The following GPM6B variants were observed in gnomAD, a reference collection of about 807,000 sequenced individuals.
The protein encoded by GPM6B is glycoprotein M6B, also known as neuronal membrane glycoprotein M6-b.
GPM6B carries 4 observed loss-of-function variants against 27.2 expected under a neutral mutation model. That is an observed-to-expected ratio of 0.15 (90% CI 0.07 to 0.34). The LOEUF is 0.34. Ranked by LOEUF, GPM6B falls within the 10% of genes least tolerant of loss-of-function variation. The pLI, the probability that GPM6B is intolerant of heterozygous loss-of-function variation, is 1.00. For missense variants in GPM6B, 183 were observed against 261.9 expected (o/e 0.70, Z 2.08); for synonymous variants, 124 against 103.1 (o/e 1.20, Z -1.23).
chrX:13,848,033 ACC>A (rs1377446737), intron 1 of GPM6B, among the ~76,000 whole-genome samples: 1 of 111,454 alleles, frequency 9.0e-6, no homozygotes, highest in Non-Finnish European at 1.9e-5. Flanking sequence ...ATATACTGAT[ACC>A]CCCAGCTGCT....
At chrX:13,886,547 T>C (rs1218258582) in intron 1 of GPM6B, among the ~76,000 whole-genome samples, 1 of 106,702 alleles carries the variant, frequency 9.4e-6, no homozygotes, top group Non-Finnish European at 1.9e-5. Context: ...TATACCCGAA[T>C]TTCAAGACAT....
chrX:13,861,027 CACACACACACACACACATAT>C (rs200880316), intron 1 of GPM6B, among the ~76,000 whole-genome samples: 3,262 of 86,323 alleles, frequency 0.038, 75 homozygotes, highest in East Asian at 0.18. Context: ...CACACACACA[CACACACACACACACACATAT>C]ATACATATAT....
intron 1 of GPM6B, among the ~76,000 whole-genome samples, chrX:13,812,043 TCTTTC>T (rs2049141059): frequency 3.6e-5 from 3 of 82,518 alleles, no homozygotes; most frequent in South Asian, 5.9e-4. Context: ...ACTTTTCTTT[TCTTTC>T]TTTTTTTTTT....
chrX:13,810,382 T>A (rs1252671988), intron 1 of GPM6B, among the ~76,000 whole-genome samples: 1 of 111,947 alleles, frequency 8.9e-6, no homozygotes, highest in Non-Finnish European at 1.9e-5. Context: ...GAAATTTTTA[T>A]CCTTTTAAAA....
At chrX:13,787,037 C>G (rs1313981595) in intron 2 of GPM6B, among the ~76,000 whole-genome samples, 3 of 34,417 alleles carry the variant, frequency 8.7e-5, no homozygotes, top group Non-Finnish European at 1.7e-4. Flanking sequence ...GCACATTAAG[C>G]CAGCAAAAAA....
chrX:13,891,078 C>T, intron 1 of GPM6B, among the ~76,000 whole-genome samples: 1 of 111,328 alleles, frequency 9.0e-6, no homozygotes, highest in Admixed American at 9.6e-5. Flanking sequence ...TTGAGAGCCA[C>T]TGAACTAGTG....
chrX:13,899,405 C>CA (rs58085220), intron 1 of GPM6B, among the ~76,000 whole-genome samples: 526 of 36,314 alleles, frequency 0.014, 48 homozygotes, highest in African/African-American at 0.037. Flanking sequence ...GACTCTGTCT[C>CA]AAAAAAAAAA....
intron 1 of GPM6B, among the ~76,000 whole-genome samples, chrX:13,855,879 G>GT (rs2049774659): frequency 9.0e-6 from 1 of 111,506 alleles, no homozygotes. Flanking sequence ...ACCAGTTCTA[G>GT]TACAGATTCT....
intron 1 of GPM6B, chrX:13,889,706 A>G (rs759370518): frequency 9.9e-5 from 11 of 110,939 alleles, no homozygotes; most frequent in Non-Finnish European, 2.1e-4. Flanking sequence ...CAGTGGCATT[A>G]ACGACATTCA....
At chrX:13,817,290 T>A (rs1018312401), upstream of GPM6B, 9 of 780,035 alleles carry the variant, frequency 1.2e-5, no homozygotes, top group African/African-American at 2.1e-4. Flanking sequence ...TTTCTTAAGA[T>A]CTCAATCTCG....
At chrX:13,934,415 C>T (rs1440233392) in intron 1 of GPM6B, among the ~76,000 whole-genome samples, 1 of 112,026 alleles carries the variant, frequency 8.9e-6, no homozygotes, top group Non-Finnish European at 1.9e-5. Context: ...CTTCAGCGTG[C>T]TTCTTTCTGA....
At chrX:13,920,291 AAG>A (rs2147067109) in intron 1 of GPM6B, among the ~76,000 whole-genome samples, 1 of 89,403 alleles carries the variant, frequency 1.1e-5, no homozygotes, top group African/African-American at 3.8e-5. Context: ...AAAAAAAAGA[AAG>A]AAAGAAAGAA....
intron 7 of GPM6B, 116 bp from the exon 8 acceptor site, chrX:13,773,146 A>G: frequency 5.3e-6 from 3 of 571,223 alleles, no homozygotes; most frequent in Admixed American, 6.7e-5. Context: ...CTGTATTAAT[A>G]AATACTCGCT....
intron 7 of GPM6B, chrX:13,774,599 T>C (rs779342399): frequency 5.0e-6 from 6 of 1,206,670 alleles, no homozygotes; most frequent in East Asian, 5.9e-5. Context: ...CGCATAGTTA[T>C]ATGTAGTAGC....
At chrX:13,824,461 C>G (rs2049348182) in intron 1 of GPM6B, among the ~76,000 whole-genome samples, 1 of 111,655 alleles carries the variant, frequency 9.0e-6, no homozygotes, top group Non-Finnish European at 1.9e-5. Context: ...TCAAATCTCC[C>G]CAGGTAATTC....
intron 1 of GPM6B, among the ~76,000 whole-genome samples, chrX:13,925,264 C>G (rs1026912848): frequency 8.9e-6 from 1 of 112,157 alleles, no homozygotes; most frequent in Non-Finnish European, 1.9e-5. Context: ...TCCAGCTGGA[C>G]TTTCAGAAGT....
intron 1 of GPM6B, among the ~76,000 whole-genome samples, chrX:13,837,476 C>T (rs1452333898): frequency 9.0e-6 from 1 of 111,026 alleles, no homozygotes; most frequent in African/African-American, 3.3e-5. Context: ...GCCCGCAGAC[C>T]CAGGGGGGCT....
At chrX:13,909,290 AT>A (rs759981591) in intron 1 of GPM6B, among the ~76,000 whole-genome samples, 1 of 108,994 alleles carries the variant, frequency 9.2e-6, no homozygotes, top group Admixed American at 9.8e-5. Flanking sequence ...TACCCAGCTA[AT>A]TTTTGTATTT....
At position 13,789,925 on chromosome X, in the gene GPM6B, G is replaced by A. The variant is rs72614513; in HGVS notation, c.182-4117C>T. ...CAGTGGCACAATCACTGCTCACTGC[G>A]GTGTTGAACTCTCTGGCTCAAGCGA... On this transcript the variant is annotated intron_variant, in intron 2 of 7. Transcript: ENST00000316715. Among the ~76,000 whole-genome samples, 1,175 of 111,687 alleles carry A rather than the reference G, an allele frequency of 0.011. 31 individuals carry two copies. The East Asian group carries it at 0.12, about 12-fold the overall frequency.
Sources: gnomAD v4.1 joint callset for allele counts (sites outside exome capture counted in the v4.1 genomes callset) on GRCh38, gnomAD v4.1.1 for gene constraint, MANE v1.5 for transcripts, NCBI Gene and HGNC (gene_info 2026-07-23, HGNC 2026-07-21) for gene names.